Variants in ASH1L observed in about 807,000 individuals in gnomAD.
ASH1L encodes the protein ASH1 like histone lysine methyltransferase.
A neutral mutation model predicts 269.0 loss-of-function variants in ASH1L; 23 were observed. That is an observed-to-expected ratio of 0.09 (90% CI 0.06 to 0.12). The LOEUF (loss-of-function observed/expected upper bound fraction) is 0.12, where lower values mean the gene tolerates loss of function less well. Ranked by LOEUF, ASH1L falls within the 10% of genes least tolerant of loss-of-function variation. The pLI, the probability that ASH1L is intolerant of heterozygous loss-of-function variation, is 1.00. For missense variants in ASH1L, 2,912 were observed against 3,567.8 expected (o/e 0.82, Z 4.68); for synonymous variants, 1,187 against 1,253.5 (o/e 0.95, Z 1.12).
chr1:155,492,152 C>T (rs562871124), intron 2 of ASH1L, among the ~76,000 whole-genome samples: 12 of 151,316 alleles, frequency 7.9e-5, no homozygotes, highest in African/African-American at 2.9e-4. Flanking sequence ...TCTCCTGCCT[C>T]AGCCTCCCGA....
At chr1:155,457,760 G>A (rs915258790) in intron 4 of ASH1L, among the ~76,000 whole-genome samples, 1 of 152,156 alleles carries the variant, frequency 6.6e-6, no homozygotes, top group African/African-American at 2.4e-5. Context: ...CTAATTCAAT[G>A]AACAGAATAG....
At chr1:155,443,139 A>G (rs11264372) in intron 4 of ASH1L, among the ~76,000 whole-genome samples, 37,143 of 152,132 alleles carry the variant, frequency 0.24, 5,310 homozygotes, top group East Asian at 0.72. Flanking sequence ...TAGTTGAAGA[A>G]TGAATCCTGG....
chr1:155,439,376 T>A (rs781074868), intron 4 of ASH1L, among the ~76,000 whole-genome samples: 3 of 152,100 alleles, frequency 2.0e-5, no homozygotes, highest in Non-Finnish European at 2.9e-5. Context: ...AAAAATAAAT[T>A]AAGGTCCAGT....
intron 3 of ASH1L, among the ~76,000 whole-genome samples, chr1:155,472,650 AAAG>A (rs1665188637): frequency 6.6e-6 from 1 of 152,224 alleles, no homozygotes; most frequent in South Asian, 2.1e-4. Flanking sequence ...GTGGCGAACA[AAAG>A]AATACAAGCA....
intron 1 of ASH1L, among the ~76,000 whole-genome samples, chr1:155,543,859 G>A (rs1020731492): frequency 3.3e-5 from 5 of 152,038 alleles, no homozygotes; most frequent in African/African-American, 4.8e-5. Context: ...AATTGAGCCC[G>A]GGAGGTTGAG....
At chr1:155,423,231 G>A (rs1660858818) in intron 5 of ASH1L, among the ~76,000 whole-genome samples, 1 of 151,218 alleles carries the variant, frequency 6.6e-6, no homozygotes, top group Non-Finnish European at 1.5e-5. Context: ...TTACAGGCGT[G>A]AGCCACCACG....
chr1:155,455,919 G>A (rs1663829888), intron 4 of ASH1L, among the ~76,000 whole-genome samples: 1 of 152,108 alleles, frequency 6.6e-6, no homozygotes, highest in Non-Finnish European at 1.5e-5. Context: ...CCTTTTCTAT[G>A]ATAGGTTTAT....
rs570886977 is a variant in ASH1L, at chr1:155,401,422, G to A, written c.6009-5869C>T. ...GAACCTGGGAGGCGGAGATTGCAGCGAGCCAAAGTCATGCCACTGGACTCC... is the reference window on the plus strand; with the variant it reads ...GAACCTGGGAGGCGGAGATTGCAGCAAGCCAAAGTCATGCCACTGGACTCC... On this transcript the variant is annotated intron_variant, in intron 6 of 27. Transcript: ENST00000392403. Among the ~76,000 whole-genome samples the A allele has an allele frequency of 5.4e-5, 8 of 147,836 alleles. No homozygotes were observed. In the East Asian group the frequency reaches 1.0e-3, roughly 19 times the overall value.
chr1:155,367,814 T>A (rs12128553), intron 12 of ASH1L, among the ~76,000 whole-genome samples: 274 of 152,330 alleles, frequency 1.8e-3, no homozygotes, highest in Admixed American at 4.4e-3. Flanking sequence ...AAACCCCACA[T>A]AGTCATGATG....
At chr1:155,339,067 A>G (rs1349436205) in intron 26 of ASH1L, among the ~76,000 whole-genome samples, 1 of 152,220 alleles carries the variant, frequency 6.6e-6, no homozygotes, top group Non-Finnish European at 1.5e-5. Context: ...CATCTAAAAG[A>G]AACTTTTCTG....
At chr1:155,456,799 C>A (rs944013410) in intron 4 of ASH1L, among the ~76,000 whole-genome samples, 2 of 151,800 alleles carry the variant, frequency 1.3e-5, no homozygotes, top group African/African-American at 4.9e-5. Flanking sequence ...ACACTCCATT[C>A]TTCATATTGT....
At chr1:155,545,804 T>A (rs1670769503) in intron 1 of ASH1L, among the ~76,000 whole-genome samples, 1 of 151,814 alleles carries the variant, frequency 6.6e-6, no homozygotes, top group African/African-American at 2.4e-5. Flanking sequence ...GTGAATCACT[T>A]AAGGTCAAGA....
intron 12 of ASH1L, among the ~76,000 whole-genome samples, chr1:155,367,155 G>C (rs565602926): frequency 1.3e-5 from 2 of 151,710 alleles, no homozygotes; most frequent in Non-Finnish European, 2.9e-5. Context: ...CACCATGCCC[G>C]GCTAATTTTT....
intron 1 of ASH1L, among the ~76,000 whole-genome samples, chr1:155,526,000 A>T (rs1669226425): frequency 6.6e-6 from 1 of 152,156 alleles, no homozygotes; most frequent in Admixed American, 6.5e-5. Context: ...ATTTTGTATA[A>T]TTTTTTATTA....
chr1:155,421,049 C>A (rs1660633622), intron 5 of ASH1L, among the ~76,000 whole-genome samples: 1 of 150,712 alleles, frequency 6.6e-6, no homozygotes, highest in South Asian at 2.1e-4. Flanking sequence ...CCAACCGAGG[C>A]AACATAGTCA....
chr1:155,419,029 C>CA (rs1459675440), intron 5 of ASH1L, among the ~76,000 whole-genome samples: 1 of 152,020 alleles, frequency 6.6e-6, no homozygotes, highest in Non-Finnish European at 1.5e-5. Context: ...CGCACCACTG[C>CA]ACTCCAGCCT....
At chr1:155,461,231 T>C (rs1239484007) in intron 3 of ASH1L, among the ~76,000 whole-genome samples, 5 of 152,218 alleles carry the variant, frequency 3.3e-5, no homozygotes, top group African/African-American at 7.2e-5. Flanking sequence ...TAAGTTGCTG[T>C]TTCCTTTTCT....
Position 155,342,014 on chromosome 1 carries a change from C to T in ASH1L, c.8382G>A (p.Arg2794=), listed in dbSNP as rs1652863070. The T allele has an allele frequency of 1.2e-6, 2 of 1,613,876 alleles. No homozygotes were observed. The highest frequency in any genetic ancestry group is 8.5e-7 in the Non-Finnish European group (1 of 1,180,030). The stretch of plus-strand genomic sequence containing the variant: ...GTTTGGTGCAGACAGGATAGCGGTT[C>T]CGGTGGATCTTGTAAAACAGGTGTG... ...KSAHLFYKIH[R]NRYPVCTKPY... Residue 2794 remains arginine (R), a synonymous_variant, in exon 25 of 28, where the codon CGG becomes CGA. Transcript: ENST00000392403.
intron 1 of ASH1L, among the ~76,000 whole-genome samples, chr1:155,525,774 C>T (rs533940402): frequency 6.6e-6 from 1 of 152,040 alleles, no homozygotes; most frequent in East Asian, 1.9e-4. Flanking sequence ...CTGTATTTGT[C>T]AGCTATACCC....
Sources: allele counts gnomAD v4.1 joint callset (sites outside exome capture counted in the v4.1 genomes callset), GRCh38; gene constraint gnomAD v4.1.1; transcripts MANE v1.5; gene names NCBI Gene and HGNC (gene_info 2026-07-23, HGNC 2026-07-21).